MGAT4C: variants seen among roughly 807,000 people sequenced by gnomAD.
MGAT4C encodes the protein alpha-1,3-mannosyl-glycoprotein 4-beta-N-acetylglucosaminyltransferase C.
MGAT4C carries 19 observed loss-of-function variants against 40.1 expected under a neutral mutation model. The ratio of observed to expected loss-of-function variants is 0.47; its 90% CI spans 0.33 to 0.70. The LOEUF is 0.70. Among genes scored for constraint, MGAT4C ranks in the 30% least tolerant of loss-of-function variants. MGAT4C has a pLI of 0.02. For missense variants in MGAT4C, 491 were observed against 563.2 expected (o/e 0.87, Z 1.30); for synonymous variants, 181 against 187.1 (o/e 0.97, Z 0.27).
chr12:86,629,688 A>G (rs192511717), intron 2 of MGAT4C, among the ~76,000 whole-genome samples: 3 of 152,284 alleles, frequency 2.0e-5, no homozygotes, highest in African/African-American at 4.8e-5. Context: ...AGAAATAAAG[A>G]TGTTCTTTGA....
chr12:86,774,348 TCTCTCCCCTCTCTC>T (rs1951709697), intron 1 of MGAT4C, among the ~76,000 whole-genome samples: 4 of 63,460 alleles, frequency 6.3e-5, no homozygotes, highest in African/African-American at 1.6e-4. Context: ...TCTGTCTCTC[TCTCTCCCCTCTCTC>T]TCTCTCTCTT....
At chr12:86,460,065 T>G (rs1957574518) in intron 2 of MGAT4C, among the ~76,000 whole-genome samples, 1 of 152,048 alleles carries the variant, frequency 6.6e-6, no homozygotes, top group Admixed American at 6.6e-5. Flanking sequence ...TAAGAACATT[T>G]TGAGGCGTTG....
At position 86,035,673 on chromosome 12, in the gene MGAT4C, T is replaced by C. The variant is rs1031891142; in HGVS notation, c.-7+14001A>G. ...GTCCATGCCAAAGTCCTGAATGGTA[T>C]TGCCTAGGTTGTCTTCTAGGGTTTT... On this transcript the variant is annotated intron_variant, in intron 2 of 4. Transcript: ENST00000611864. Among the ~76,000 whole-genome samples the C allele has an allele frequency of 4.0e-5, 6 of 149,968 alleles. 1 individual carries two copies. Among genetic ancestry groups the C allele is most frequent in the Admixed American group, 1.3e-4 (2 of 14,940 alleles).
At chr12:86,160,576 A>C (rs1179842601) in intron 1 of MGAT4C, among the ~76,000 whole-genome samples, 1 of 151,942 alleles carries the variant, frequency 6.6e-6, no homozygotes, top group Non-Finnish European at 1.5e-5. Flanking sequence ...TGTTTTGTAG[A>C]TGTTTCTTAG....
intron 2 of MGAT4C, among the ~76,000 whole-genome samples, chr12:86,030,045 G>GTT (rs571244375): frequency 5.7e-4 from 87 of 151,798 alleles, no homozygotes; most frequent in African/African-American, 2.0e-3. Context: ...TTTTTCCTGT[G>GTT]TTGGGAATAT....
intron 2 of MGAT4C, among the ~76,000 whole-genome samples, chr12:86,441,491 TC>T (rs980460316): frequency 1.0e-5 from 1 of 97,906 alleles, no homozygotes; most frequent in African/African-American, 4.1e-5. Context: ...ATGCTTTCCC[TC>T]CCCCCTCCCC....
At chr12:86,517,755 C>T (rs1284082346) in intron 2 of MGAT4C, among the ~76,000 whole-genome samples, 2 of 152,158 alleles carry the variant, frequency 1.3e-5, no homozygotes, top group African/African-American at 2.4e-5. Context: ...ACGCCATTCT[C>T]CTGCCTCAGC....
intron 1 of MGAT4C, among the ~76,000 whole-genome samples, chr12:86,766,263 G>C (rs568436824): frequency 4.7e-4 from 72 of 152,006 alleles, no homozygotes; most frequent in Admixed American, 1.0e-3. Context: ...GATCAAAAGA[G>C]ACAAAGAAGG....
rs1883153918 is a variant in MGAT4C at position 85,962,331 on chromosome 12, C to T, written c.*16958G>A. 1 of 150,430 alleles carries T rather than the reference C, an allele frequency of 6.6e-6. No homozygotes were observed. Among genetic ancestry groups the T allele is most frequent in the East Asian group, 1.9e-4 (1 of 5,154 alleles). 9.3% of individuals were successfully genotyped at this position (150,430 alleles called of 1,614,324 possible). A position where few individuals can be genotyped will look rare whatever the true frequency, so the allele number is the denominator to read the frequency against. On this transcript the variant is annotated 3_prime_UTR_variant, in exon 5 of 5. Coordinates refer to ENST00000611864, the MANE Select transcript of MGAT4C (RefSeq NM_001351288.2). ...TGTCTGAATTTAGAGACTAATTTGA[C>T]CATTTTGATTCAAATGTCTAAAGGC...
At chr12:86,298,585 C>G (rs1252074754) in intron 4 of MGAT4C, among the ~76,000 whole-genome samples, 1 of 151,964 alleles carries the variant, frequency 6.6e-6, no homozygotes, top group Non-Finnish European at 1.5e-5. Context: ...AACCTAAAAC[C>G]TCAAAAATAT....
At chr12:86,496,372 G>A (rs1220880645) in intron 2 of MGAT4C, among the ~76,000 whole-genome samples, 2 of 151,932 alleles carry the variant, frequency 1.3e-5, no homozygotes, top group African/African-American at 4.8e-5. Flanking sequence ...CAATGTGAAT[G>A]AGCGTAATAA....
chr12:86,692,021 TGAA>T (rs1362249483), intron 2 of MGAT4C, among the ~76,000 whole-genome samples: 4 of 152,192 alleles, frequency 2.6e-5, no homozygotes, highest in Non-Finnish European at 2.9e-5. Flanking sequence ...TAGTCACAGT[TGAA>T]GAGGAAATTG....
At chr12:86,633,617 C>A (rs1238214858) in intron 2 of MGAT4C, among the ~76,000 whole-genome samples, 3 of 152,104 alleles carry the variant, frequency 2.0e-5, no homozygotes, top group African/African-American at 7.2e-5. Context: ...AAATCCCTAA[C>A]ATTTCAGCTT....
At chr12:86,345,974 T>C (rs2136188016) in intron 3 of MGAT4C, among the ~76,000 whole-genome samples, 1 of 152,322 alleles carries the variant, frequency 6.6e-6, no homozygotes, top group African/African-American at 2.4e-5. Context: ...TATCTCATTG[T>C]GGTTTTGATT....
At chr12:86,265,522 G>T (rs533444351) in intron 4 of MGAT4C, among the ~76,000 whole-genome samples, 25 of 152,080 alleles carry the variant, frequency 1.6e-4, no homozygotes, top group African/African-American at 6.0e-4. Flanking sequence ...ATTGATTTAC[G>T]TGCCTGTTTT....
At chr12:86,514,328 T>C (rs1958646679) in intron 2 of MGAT4C, among the ~76,000 whole-genome samples, 1 of 152,194 alleles carries the variant, frequency 6.6e-6, no homozygotes, top group African/African-American at 2.4e-5. Flanking sequence ...ATCATTTTTC[T>C]ACTGCTTTAA....
At chr12:86,515,899 C>T (rs547732691) in intron 2 of MGAT4C, among the ~76,000 whole-genome samples, 16 of 152,066 alleles carry the variant, frequency 1.1e-4, no homozygotes, top group Admixed American at 6.6e-4. Context: ...CCCACCACCA[C>T]GCCCAGCTAA....
rs1040979891 is a variant in MGAT4C at position 85,969,835 on chromosome 12, A to G, written c.*9454T>C. 2 of 151,348 alleles carry G rather than the reference A, an allele frequency of 1.3e-5. No individual in the cohort carries two copies. Among genetic ancestry groups the G allele is most frequent in the African/African-American group, 4.8e-5 (2 of 41,360 alleles). The allele number at this position is 151,348 out of a possible 1,614,324, so 9.4% of individuals were successfully genotyped here. A position where few individuals can be genotyped will look rare whatever the true frequency, so the allele number is the denominator to read the frequency against. On this transcript the variant is annotated 3_prime_UTR_variant, in exon 5 of 5. Coordinates refer to ENST00000611864, the MANE Select transcript of MGAT4C (RefSeq NM_001351288.2). ...ACAAGTTAGTAAAACCCTATTTTTCATATGCTCTTTAGCTTTTTTAATACC... is the reference window on the plus strand; with the variant it reads ...ACAAGTTAGTAAAACCCTATTTTTCGTATGCTCTTTAGCTTTTTTAATACC...
At chr12:86,456,838 C>G (rs1957518356) in intron 2 of MGAT4C, among the ~76,000 whole-genome samples, 1 of 152,042 alleles carries the variant, frequency 6.6e-6, no homozygotes, top group Non-Finnish European at 1.5e-5. Context: ...GCATTATGAG[C>G]TCTCTATCTT....
Sources: allele counts gnomAD v4.1 joint callset (sites outside exome capture counted in the v4.1 genomes callset), GRCh38; gene constraint gnomAD v4.1.1; transcripts MANE v1.5; gene names NCBI Gene and HGNC (gene_info 2026-07-23, HGNC 2026-07-21).